COLGALT1: variants seen among roughly 807,000 people sequenced by gnomAD.
The protein encoded by COLGALT1 is collagen beta(1-O)galactosyltransferase 1, also known as procollagen galactosyltransferase 1.
Under a neutral mutation model 60.8 loss-of-function variants are expected in COLGALT1, and 43 were observed. The observed-to-expected ratio is 0.71, with a 90% CI of 0.55 to 0.91. The LOEUF (loss-of-function observed/expected upper bound fraction) is 0.91. Among genes scored for constraint, COLGALT1 ranks in the 40% least tolerant of loss-of-function variants. The probability of loss-of-function intolerance (pLI) is 0.00; values close to 1 mark genes in which losing one functional copy is unlikely to be tolerated. For synonymous variants in COLGALT1, 369 were observed against 374.2 expected (o/e 0.99, Z 0.16); for missense variants, 845 against 880.0 (o/e 0.96, Z 0.50).
intron 8 of COLGALT1, 86 bp from the exon 9 acceptor site, chr19:17,577,871 G>A (rs2076353916): frequency 1.3e-6 from 2 of 1,524,052 alleles, no homozygotes; most frequent in African/African-American, 1.4e-5. Flanking sequence ...GCTGCTCAAC[G>A]CCGCAGGGGG....
At chr19:17,575,114 C>T (rs967095413) in intron 6 of COLGALT1, among the ~76,000 whole-genome samples, 1 of 152,122 alleles carries the variant, frequency 6.6e-6, no homozygotes, top group Non-Finnish European at 1.5e-5. Flanking sequence ...TGCAATGGTG[C>T]GATCTTGGCT....
intron 6 of COLGALT1, 62 bp from the exon 7 acceptor site, chr19:17,577,133 C>T: frequency 1.3e-6 from 2 of 1,525,756 alleles, no homozygotes; most frequent in Non-Finnish European, 9.0e-7. Flanking sequence ...GTGGGGAAAG[C>T]GTGTTGGAGA....
At chr19:17,577,300 C>A in intron 7 of COLGALT1, 29 bp downstream of exon 7, 1 of 1,611,356 alleles carries the variant, frequency 6.2e-7, no homozygotes. Context: ...GGAGGCGGGG[C>A]GGGGGCTGGA....
rs774477102 is a variant in COLGALT1, at chr19:17,579,555, G to A, written c.1340G>A (p.Arg447His). 19 of 1,613,304 alleles carry A rather than the reference G, an allele frequency of 1.2e-5. No homozygotes were observed. The South Asian group carries it at 1.3e-4, about 11-fold the overall frequency. Reference protein sequence around the residue: ...DLRFEIFFKRRLMNLMRDVER... With the variant: ...DLRFEIFFKRHLMNLMRDVER... The stretch of plus-strand genomic sequence containing the variant: ...CGTTTTGAGATCTTCTTCAAGAGAC[G>A]TCTGATGAACCTCATGCGGGATGTG... The change falls in exon 10 of 12, where the codon CGT (arginine) becomes CAT (histidine). Residue 447 changes from arginine to histidine, a missense_variant. Transcript: ENST00000252599.
intron 6 of COLGALT1, among the ~76,000 whole-genome samples, chr19:17,574,215 G>C (rs962316468): frequency 1.3e-5 from 2 of 152,176 alleles, no homozygotes; most frequent in Non-Finnish European, 2.9e-5. Flanking sequence ...GGAGGGGTGA[G>C]GCCTCTGTCC....
At chr19:17,580,550 G>C in intron 10 of COLGALT1, 149 bp from the exon 11 acceptor site, 1 of 731,410 alleles carries the variant, frequency 1.4e-6, no homozygotes, top group Non-Finnish European at 2.2e-6. Context: ...CTGGGCTCCT[G>C]CATTCACTCC....
At chr19:17,560,849 C>T (rs902010835) in intron 3 of COLGALT1, among the ~76,000 whole-genome samples, 5 of 151,180 alleles carry the variant, frequency 3.3e-5, no homozygotes, top group African/African-American at 4.9e-5. Flanking sequence ...TCCCGTGCCA[C>T]AGCCTCCTGA....
intron 3 of COLGALT1, among the ~76,000 whole-genome samples, chr19:17,564,702 C>G (rs1830976209): frequency 6.6e-6 from 1 of 152,120 alleles, no homozygotes; most frequent in African/African-American, 2.4e-5. Flanking sequence ...CAGGCGTGAG[C>G]CACCGCCCCT....
In COLGALT1 at chr19:17,581,430, C is replaced by T. The variant is rs544405232; in HGVS notation, c.1855C>T (p.Arg619Trp). The T allele has an allele frequency of 1.3e-5, 21 of 1,608,586 alleles. No individual in the cohort carries two copies. Among genetic ancestry groups the T allele is most frequent in the East Asian group, 1.1e-4 (5 of 44,874 alleles). Reference protein sequence around the residue: ...VLQSPLDSAARDEL With the variant: ...VLQSPLDSAAWDEL ...CCAGTCCCCACTGGACAGTGCTGCCCGGGATGAACTCTGAGGGGTAGCAGC... is the reference window on the plus strand; with the variant it reads ...CCAGTCCCCACTGGACAGTGCTGCCTGGGATGAACTCTGAGGGGTAGCAGC... The change falls in exon 12 of 12, where the codon CGG becomes TGG. Residue 619 changes from arginine (R) to tryptophan (W), a missense_variant. Arg to Trp is a moderately radical substitution (Grantham distance 101, BLOSUM62 -3). Coordinates refer to ENST00000252599, the MANE Select transcript of COLGALT1 (RefSeq NM_024656.4).
intron 1 of COLGALT1, chr19:17,556,676 C>A: frequency 3.4e-6 from 1 of 293,956 alleles, no homozygotes; most frequent in Non-Finnish European, 5.1e-6. Flanking sequence ...TTTGGGAGGC[C>A]AAGGTAAGCG....
chr19:17,562,788 G>A (rs756668205), intron 3 of COLGALT1, among the ~76,000 whole-genome samples: 15 of 152,156 alleles, frequency 9.9e-5, no homozygotes, highest in East Asian at 1.9e-4. Context: ...GATGCGTCAC[G>A]AGGTGAAGGA....
intron 5 of COLGALT1, among the ~76,000 whole-genome samples, chr19:17,571,412 AAAAT>A (rs1209515929): frequency 6.6e-6 from 1 of 151,888 alleles, no homozygotes; most frequent in East Asian, 1.9e-4. Context: ...TGTCTCAAAA[AAAAT>A]AAATAAATTA....
intron 3 of COLGALT1, among the ~76,000 whole-genome samples, chr19:17,563,149 C>CA (rs2076258668): frequency 6.7e-6 from 1 of 150,062 alleles, no homozygotes; most frequent in African/African-American, 2.4e-5. Context: ...GTTCAAAACT[C>CA]AAAGTGGCTT....
chr19:17,556,183 C>T (rs966749751), intron 1 of COLGALT1, among the ~76,000 whole-genome samples: 1 of 152,236 alleles, frequency 6.6e-6, no homozygotes, highest in Non-Finnish European at 1.5e-5. Flanking sequence ...CCCCTGCCTG[C>T]TGTCCTCCCA....
chr19:17,581,161 C>G lies in COLGALT1; in HGVS notation c.1602-16C>G, dbSNP rs1256105105. On this transcript the variant is annotated splice_polypyrimidine_tract_variant and intron_variant, in intron 11 of 11. Coordinates refer to ENST00000252599, the MANE Select transcript of COLGALT1 (RefSeq NM_024656.4). ...GAAGCCATTGCTGCCCCTCACTCCC[C>G]TCCTCCTCCCCCCAGGTCCGAGTAC... The G allele has an allele frequency of 6.2e-7, 1 of 1,601,898 alleles. No individual in the cohort carries two copies. Among genetic ancestry groups the G allele is most frequent in the Non-Finnish European group, 8.5e-7 (1 of 1,175,154 alleles).
In COLGALT1 at chr19:17,580,374, C is replaced by T. The variant is rs190679728; in HGVS notation, c.1395-325C>T. 1.8e-3 allele frequency: 784 copies of T among 438,982 alleles called. 7 individuals are homozygous for T. The highest frequency in any genetic ancestry group is 4.3e-4 in the Non-Finnish European group (102 of 237,802). 27.2% of individuals were successfully genotyped at this position (438,982 alleles called of 1,614,324 possible). A position where few individuals can be genotyped will look rare whatever the true frequency, so the allele number is the denominator to read the frequency against. On this transcript the variant is annotated intron_variant, in intron 10 of 11. Coordinates refer to ENST00000252599, the MANE Select transcript of COLGALT1 (RefSeq NM_024656.4). ...ACCCCTCCATTCCTGACTGCCCCCC[C>T]ATCAGGGCACCTCGCCCACCTCCAC... is the stretch of plus-strand genomic sequence containing the variant.
rs114029256 is a variant in COLGALT1 at position 17,559,881 on chromosome 19, G to A, written c.371+460G>A. 5.5e-3 allele frequency among the ~76,000 whole-genome samples: 844 copies of A among 152,116 alleles called. 11 individuals carry two copies. The highest frequency in any genetic ancestry group is 0.019 in the African/African-American group (800 of 41,514). On this transcript the variant is annotated intron_variant, in intron 2 of 11. Coordinates refer to ENST00000252599, the MANE Select transcript of COLGALT1 (RefSeq NM_024656.4). Reference sequence around the variant, plus strand: ...CAGCTTACTGCAGCCTTTAACTCCTGGGCTCAAGCCATCCTCCCGCCTCAG... The same window carrying A: ...CAGCTTACTGCAGCCTTTAACTCCTAGGCTCAAGCCATCCTCCCGCCTCAG...
chr19:17,578,210 G>T (rs2076356902), intron 9 of COLGALT1, 121 bp downstream of exon 9: 1 of 1,154,332 alleles, frequency 8.7e-7, no homozygotes, highest in Non-Finnish European at 1.2e-6. Flanking sequence ...CTCAGCCATG[G>T]GACCCATGGC....
In COLGALT1 at chr19:17,579,608, A is replaced by G; in HGVS notation, c.1393A>G (p.Ile465Val). ...GCGGGAGGGCCTGGACTGGGACCTCATGTGAGTGGGGGTCTGAGGATGGGG... is the reference window on the plus strand; with the variant it reads ...GCGGGAGGGCCTGGACTGGGACCTCGTGTGAGTGGGGGTCTGAGGATGGGG... ...VEREGLDWDL[I>V]YVGRKRMQVE... The change falls in exon 10 of 12, where the codon ATC (isoleucine) becomes GTC (valine). Residue 465 changes from isoleucine (I) to valine (V), a missense_variant and splice_region_variant. Transcript: ENST00000252599. 7.5e-7 allele frequency: 1 copy of G among 1,334,838 alleles called. No individual in the cohort carries two copies. Among genetic ancestry groups the G allele is most frequent in the Non-Finnish European group, 9.9e-7 (1 of 1,009,942 alleles). The allele number at this position is 1,334,838 out of a possible 1,614,324, so 82.7% of individuals were successfully genotyped here. A position where few individuals can be genotyped will look rare whatever the true frequency, so the allele number is the denominator to read the frequency against.
Sources: allele counts gnomAD v4.1 joint callset (sites outside exome capture counted in the v4.1 genomes callset), GRCh38; gene constraint gnomAD v4.1.1; transcripts MANE v1.5; gene names NCBI Gene and HGNC (gene_info 2026-07-23, HGNC 2026-07-21).